Variants in SLC9C2 observed in about 807,000 individuals in gnomAD.
The protein encoded by SLC9C2 is solute carrier family 9 member C2 (putative), also known as sodium/hydrogen exchanger 11.
In SLC9C2, 75 loss-of-function variants were observed where a neutral mutation model predicts 140.2. That is an observed-to-expected ratio of 0.53 (90% CI 0.44 to 0.65). The LOEUF (loss-of-function observed/expected upper bound fraction) is 0.65. Ranked by LOEUF, SLC9C2 falls within the 30% of genes least tolerant of loss-of-function variation. The pLI, the probability that SLC9C2 is intolerant of heterozygous loss-of-function variation, is 0.00. For missense variants in SLC9C2, 1,074 were observed against 1,331.8 expected (o/e 0.81, Z 3.01); for synonymous variants, 375 against 420.9 (o/e 0.89, Z 1.34).
chr1:173,521,304 T>C lies in SLC9C2; in HGVS notation c.2736A>G (p.Ala912=). 6.7e-7 allele frequency: 1 copy of C among 1,502,962 alleles called. No homozygotes were observed. Among genetic ancestry groups the C allele is most frequent in the Admixed American group, 2.4e-5 (1 of 41,418 alleles). The allele number at this position is 1,502,962 out of a possible 1,614,324, so 93.1% of individuals were successfully genotyped here. Reference sequence around the variant, plus strand: ...AAAAAAATCAATAGTCCCTTACAATTGCCATTCCTGAAATAATTAAGTAGA... The same window carrying C: ...AAAAAAATCAATAGTCCCTTACAATCGCCATTCCTGAAATAATTAAGTAGA... The part of the protein sequence containing the change: ...QGIYLIISGM[A]ILHSLSPTFG... Residue 912 remains alanine, a synonymous_variant, in exon 22 of 28, where the codon GCA becomes GCG. Coordinates refer to ENST00000367714, the MANE Select transcript of SLC9C2 (RefSeq NM_178527.4).
intron 21 of SLC9C2, among the ~76,000 whole-genome samples, chr1:173,521,824 G>C (rs936798904): frequency 2.1e-4 from 30 of 142,040 alleles, no homozygotes; most frequent in Non-Finnish European, 2.6e-4. Flanking sequence ...AGTTATGTTG[G>C]GTAGATATTT....
chr1:173,505,328 G>A lies in SLC9C2; in HGVS notation c.3229C>T (p.Gln1077Ter). The part of the protein sequence containing the change: ...CIIPTTCEQV[Q>*]GTSDLSKLLI... ...AGCTTGCTTAAATCAGAAGTTCCCT[G>A]AACCTAGAGGAGAAAAGTCAAAATT... Residue 1077 changes from glutamine to a stop codon, truncating the protein, a stop_gained, in exon 26 of 28, where the codon CAG becomes TAG. Coordinates refer to ENST00000367714, the MANE Select transcript of SLC9C2 (RefSeq NM_178527.4). LOFTEE classifies it high-confidence loss of function. The A allele has an allele frequency of 6.2e-7, 1 of 1,613,666 alleles. No homozygotes were observed. Among genetic ancestry groups the A allele is most frequent in the Non-Finnish European group, 8.5e-7 (1 of 1,179,674 alleles).
chr1:173,583,510 A>G lies in SLC9C2; in HGVS notation c.636T>C (p.Phe212=), dbSNP rs757735471. ...FRGNRIHFSI[F]RDLHVGIELS... ...ACAGACAAAAAATGCTCCTACCTCTAAAAATAGAAAAGTGGATTCTGTTGC... is the reference window on the plus strand; with the variant it reads ...ACAGACAAAAAATGCTCCTACCTCTGAAAATAGAAAAGTGGATTCTGTTGC... The change falls in exon 6 of 28, where the codon TTT becomes TTC. Residue 212 remains phenylalanine, a synonymous_variant. Transcript: ENST00000367714. 2.9e-5 allele frequency: 46 copies of G among 1,574,014 alleles called. No individual in the cohort carries two copies. In the Middle Eastern group the frequency reaches 4.9e-3, roughly 167 times the overall value.
At chr1:173,541,382 A>G (rs1178285130) in intron 13 of SLC9C2, among the ~76,000 whole-genome samples, 1 of 152,176 alleles carries the variant, frequency 6.6e-6, no homozygotes, top group East Asian at 1.9e-4. Context: ...ACCTAGAAAG[A>G]GACTTAGAAT....
intron 26 of SLC9C2, among the ~76,000 whole-genome samples, chr1:173,504,619 T>C (rs1003249712): frequency 3.3e-5 from 5 of 152,082 alleles, no homozygotes; most frequent in African/African-American, 9.7e-5. Flanking sequence ...AATTTTGTCA[T>C]TGGGCTTGGG....
chr1:173,534,456 T>A, intron 16 of SLC9C2, 28 bp downstream of exon 16: 1 of 1,521,746 alleles, frequency 6.6e-7, no homozygotes. Context: ...GCTCTTTTTA[T>A]AGATTCTATT....
intron 19 of SLC9C2, among the ~76,000 whole-genome samples, chr1:173,525,165 C>T (rs1234123357): frequency 6.6e-6 from 1 of 152,146 alleles, no homozygotes; most frequent in Non-Finnish European, 1.5e-5. Flanking sequence ...TCTCTTATCC[C>T]CATGGCATCT....
intron 9 of SLC9C2, among the ~76,000 whole-genome samples, 178 bp from the exon 10 acceptor site, chr1:173,557,686 T>A (rs1410145381): frequency 6.6e-6 from 1 of 152,174 alleles, no homozygotes; most frequent in African/African-American, 2.4e-5. Context: ...CTATTTAAAG[T>A]TTGCACATAA....
chr1:173,594,315 A>G (rs1666330570), intron 4 of SLC9C2, among the ~76,000 whole-genome samples: 1 of 152,202 alleles, frequency 6.6e-6, no homozygotes, highest in African/African-American at 2.4e-5. Flanking sequence ...AAGACATTGA[A>G]TGTTCCCTAC....
At chr1:173,545,497 A>G (rs1441825028) in intron 13 of SLC9C2, among the ~76,000 whole-genome samples, 2 of 152,144 alleles carry the variant, frequency 1.3e-5, no homozygotes, top group Non-Finnish European at 2.9e-5. Flanking sequence ...TCCCCCTCTT[A>G]AACAGTAGTG....
intron 7 of SLC9C2, among the ~76,000 whole-genome samples, chr1:173,579,446 A>G (rs1161251862): frequency 2.0e-5 from 3 of 152,144 alleles, no homozygotes; most frequent in Non-Finnish European, 1.5e-5. Flanking sequence ...CCATCCCATC[A>G]CTGCCTAACT....
intron 3 of SLC9C2, among the ~76,000 whole-genome samples, chr1:173,599,527 A>G (rs1211462097): frequency 6.6e-6 from 1 of 151,840 alleles, no homozygotes; most frequent in South Asian, 2.1e-4. Context: ...GGCGCCCGCC[A>G]CAACACCTGG....
At chr1:173,501,554 A>G (rs895447211) in intron 27 of SLC9C2, among the ~76,000 whole-genome samples, 33 of 120,200 alleles carry the variant, frequency 2.7e-4, no homozygotes, top group Middle Eastern at 7.2e-3. Context: ...TCTGTTGCCC[A>G]GGCTGGAGTG....
chr1:173,522,293 G>C (rs997881986), intron 21 of SLC9C2, among the ~76,000 whole-genome samples: 1 of 152,130 alleles, frequency 6.6e-6, no homozygotes, highest in African/African-American at 2.4e-5. Flanking sequence ...CAGCAGACAG[G>C]ACAGCTAAGC....
At chr1:173,578,712 T>C (rs1407619116) in intron 7 of SLC9C2, among the ~76,000 whole-genome samples, 1 of 152,206 alleles carries the variant, frequency 6.6e-6, no homozygotes, top group Non-Finnish European at 1.5e-5. Flanking sequence ...TCCTAGCTTC[T>C]GGTAGTTTCA....
intron 13 of SLC9C2, among the ~76,000 whole-genome samples, chr1:173,537,720 T>C (rs1310186624): frequency 1.3e-5 from 2 of 151,924 alleles, no homozygotes; most frequent in Non-Finnish European, 2.9e-5. Context: ...TACAGCAGAA[T>C]AGAGAGTGCA....
rs1659222458 is a variant in SLC9C2 at position 173,500,944 on chromosome 1, T to C, written c.*150A>G. The C allele has an allele frequency of 1.2e-6, 1 of 837,814 alleles. No individual in the cohort carries two copies. The highest frequency in any genetic ancestry group is 1.6e-6 in the Non-Finnish European group (1 of 615,630). 51.9% of individuals were successfully genotyped at this position (837,814 alleles called of 1,614,324 possible). A position where few individuals can be genotyped will look rare whatever the true frequency, so the allele number is the denominator to read the frequency against. On this transcript the variant is annotated 3_prime_UTR_variant, in exon 28 of 28. Transcript: ENST00000367714. ...GTCCATCCATTGCTTATAAACTAAA[T>C]GCAGCAGTAACCTGTTTCAGTAGCT... is the stretch of plus-strand genomic sequence containing the variant.
intron 18 of SLC9C2, 113 bp downstream of exon 18, chr1:173,529,792 C>G: frequency 8.3e-7 from 1 of 1,208,470 alleles, no homozygotes; most frequent in Non-Finnish European, 1.2e-6. Context: ...AACTGAATCC[C>G]TTTCAACTGT....
intron 17 of SLC9C2, among the ~76,000 whole-genome samples, chr1:173,531,808 G>A (rs961681083): frequency 2.6e-5 from 4 of 151,988 alleles, no homozygotes; most frequent in African/African-American, 4.8e-5. Context: ...TACTTTTCAC[G>A]AAGTATGACT....
Sources: gnomAD v4.1 joint callset for allele counts (sites outside exome capture counted in the v4.1 genomes callset) on GRCh38, gnomAD v4.1.1 for gene constraint, MANE v1.5 for transcripts, NCBI Gene and HGNC (gene_info 2026-07-23, HGNC 2026-07-21) for gene names.